The following DGKB variants were observed in gnomAD, a reference collection of about 807,000 sequenced individuals.
DGKB encodes diacylglycerol kinase beta.
A neutral mutation model predicts 114.3 loss-of-function variants in DGKB; 67 were observed. The ratio of observed to expected loss-of-function variants is 0.59; its 90% CI spans 0.48 to 0.72. The LOEUF (loss-of-function observed/expected upper bound fraction) is 0.72, where lower values mean the gene tolerates loss of function less well. Among genes scored for constraint, DGKB ranks in the 30% least tolerant of loss-of-function variants. DGKB has a pLI of 0.00. For missense variants in DGKB, 907 were observed against 975.2 expected, an observed-to-expected ratio of 0.93 and a Z score of 0.93; for synonymous variants, 398 against 323.1, an observed-to-expected ratio of 1.23 and a Z score of -2.49.
chr7:14,204,957 G>A (rs6949675), intron 23 of DGKB, among the ~76,000 whole-genome samples: 1 of 151,834 alleles, frequency 6.6e-6, no homozygotes, highest in Non-Finnish European at 1.5e-5. Flanking sequence ...GTCCACAACT[G>A]TAGCTATTCA....
chr7:14,179,853 C>T (rs2128248544), intron 23 of DGKB, among the ~76,000 whole-genome samples: 1 of 152,276 alleles, frequency 6.6e-6, no homozygotes, highest in South Asian at 2.1e-4. Context: ...TAACTTAGAG[C>T]TTCCACCTTG....
intron 9 of DGKB, among the ~76,000 whole-genome samples, chr7:14,688,214 T>A (rs147675063): frequency 2.7e-4 from 41 of 152,322 alleles, no homozygotes; most frequent in African/African-American, 8.4e-4. Context: ...TATTAGTCCT[T>A]CCACTGCAAA....
intron 3 of DGKB, among the ~76,000 whole-genome samples, chr7:14,756,825 A>G (rs1378101810): frequency 1.3e-5 from 2 of 152,060 alleles, no homozygotes; most frequent in Non-Finnish European, 2.9e-5. Flanking sequence ...TCCTGACAAA[A>G]GGGTCTTTTG....
intron 2 of DGKB, among the ~76,000 whole-genome samples, chr7:14,835,121 A>T (rs1333408844): frequency 6.6e-6 from 1 of 152,172 alleles, no homozygotes; most frequent in East Asian, 1.9e-4. Context: ...ATCAGTGTGA[A>T]TCAGAAGAAA....
rs551514302 is a variant in DGKB at position 14,857,435 on chromosome 7, C to T, written c.-187-15985G>A. On this transcript the variant is annotated intron_variant, in intron 1 of 25. Coordinates refer to ENST00000402815, the MANE Select transcript of DGKB (RefSeq NM_001350709.2). Reference sequence around the variant, plus strand: ...ACACTTCGATTTCAACCTTGTGAGACGTTAAGCAGAGAATTCACCTACACC... The same window carrying T: ...ACACTTCGATTTCAACCTTGTGAGATGTTAAGCAGAGAATTCACCTACACC... Among the ~76,000 whole-genome samples the T allele has an allele frequency of 7.2e-5, 11 of 151,964 alleles. No homozygotes were observed. In the South Asian group the frequency reaches 1.0e-3, roughly 14 times the overall value.
intron 23 of DGKB, among the ~76,000 whole-genome samples, chr7:14,309,392 G>GCAAAAAT (rs761774597): frequency 6.6e-6 from 1 of 152,140 alleles, no homozygotes; most frequent in South Asian, 2.1e-4. Flanking sequence ...AAAGCAAAAA[G>GCAAAAAT]CAAAAGCCAA....
intron 14 of DGKB, among the ~76,000 whole-genome samples, chr7:14,625,751 AT>A (rs1348968519): frequency 2.0e-5 from 3 of 152,168 alleles, no homozygotes; most frequent in Admixed American, 6.5e-5. Context: ...ATCAATAGAA[AT>A]TATTCAAACA....
At chr7:14,785,272 T>A (rs898615276) in intron 2 of DGKB, among the ~76,000 whole-genome samples, 10 of 152,150 alleles carry the variant, frequency 6.6e-5, no homozygotes, top group African/African-American at 2.2e-4. Flanking sequence ...TCAAGTATCT[T>A]ATTATAAGTA....
intron 1 of DGKB, among the ~76,000 whole-genome samples, chr7:14,934,653 A>T (rs1166138057): frequency 6.6e-6 from 1 of 152,166 alleles, no homozygotes; most frequent in Non-Finnish European, 1.5e-5. Flanking sequence ...TATAAACTCT[A>T]AAATAATATT....
chr7:14,767,481 C>T (rs2128464635), intron 2 of DGKB, among the ~76,000 whole-genome samples: 2 of 151,932 alleles, frequency 1.3e-5, no homozygotes, highest in South Asian at 4.1e-4. Flanking sequence ...ACAGTGAGCC[C>T]TTATCATCAT....
chr7:14,264,641 C>A (rs1270407231), intron 23 of DGKB, among the ~76,000 whole-genome samples: 1 of 152,112 alleles, frequency 6.6e-6, no homozygotes, highest in Non-Finnish European at 1.5e-5. Flanking sequence ...TACACAGTGC[C>A]TTTTAGAGAA....
At chr7:14,937,325 A>C (rs777348874) in intron 1 of DGKB, among the ~76,000 whole-genome samples, 1 of 152,082 alleles carries the variant, frequency 6.6e-6, no homozygotes, top group Non-Finnish European at 1.5e-5. Context: ...CCTTTCAAAG[A>C]AAGGAGACAA....
intron 21 of DGKB, among the ~76,000 whole-genome samples, chr7:14,377,671 C>T (rs117181538): frequency 0.014 from 2,115 of 152,240 alleles, 25 homozygotes; most frequent in Non-Finnish European, 0.023. Context: ...AAACCGTATA[C>T]CTAGCTTGGC....
intron 25 of DGKB, among the ~76,000 whole-genome samples, chr7:14,175,740 C>A (rs933682703): frequency 6.6e-6 from 1 of 152,044 alleles, no homozygotes; most frequent in South Asian, 2.1e-4. Context: ...CTCTGTCTAC[C>A]TTTTCTACTT....
chr7:14,893,211 A>G (rs988197557), intron 1 of DGKB, among the ~76,000 whole-genome samples: 2 of 151,246 alleles, frequency 1.3e-5, no homozygotes, highest in African/African-American at 4.8e-5. Flanking sequence ...TTCACCCCTC[A>G]TCACTCCAGC....
At chr7:14,226,551 C>G (rs760489574) in intron 23 of DGKB, among the ~76,000 whole-genome samples, 5 of 151,894 alleles carry the variant, frequency 3.3e-5, no homozygotes, top group African/African-American at 9.7e-5. Flanking sequence ...TGCAATATCT[C>G]TTTTAAATTT....
intron 3 of DGKB, among the ~76,000 whole-genome samples, chr7:14,756,667 A>G (rs1042291203): frequency 6.6e-6 from 1 of 152,012 alleles, no homozygotes; most frequent in African/African-American, 2.4e-5. Flanking sequence ...GGGTTATGAT[A>G]ACTAAAATTA....
chr7:14,167,107 A>T (rs892710563), intron 25 of DGKB, among the ~76,000 whole-genome samples: 9 of 148,584 alleles, frequency 6.1e-5, no homozygotes, highest in African/African-American at 2.2e-4. Context: ...GCTACTAGGG[A>T]GGCTGAGGCA....
At chr7:14,823,517 C>T (rs1845235115) in intron 2 of DGKB, among the ~76,000 whole-genome samples, 1 of 151,900 alleles carries the variant, frequency 6.6e-6, no homozygotes, top group Non-Finnish European at 1.5e-5. Flanking sequence ...TTTGGGAAAA[C>T]TGAGAGAACT....
Sources: allele counts gnomAD v4.1 joint callset (sites outside exome capture counted in the v4.1 genomes callset), GRCh38; gene constraint gnomAD v4.1.1; transcripts MANE v1.5; gene names NCBI Gene and HGNC (gene_info 2026-07-23, HGNC 2026-07-21).